The following IL34 variants were observed in gnomAD, a reference collection of about 807,000 sequenced individuals.
The protein encoded by IL34 is interleukin 34, also known as interleukin-34.
A neutral mutation model predicts 25.3 loss-of-function variants in IL34; 17 were observed. That is an observed-to-expected ratio of 0.67 (90% CI 0.46 to 1.01). The LOEUF is 1.01. Ranked by LOEUF, IL34 falls within the 50% of genes least tolerant of loss-of-function variation. IL34 has a pLI of 0.00. For synonymous variants in IL34, 174 were observed against 140.9 expected (o/e 1.23, Z -1.66); for missense variants, 368 against 312.9 (o/e 1.18, Z -1.33).
chr16:70,594,406 A>T (rs1404347014), intron 1 of IL34, among the ~76,000 whole-genome samples: 1 of 152,142 alleles, frequency 6.6e-6, no homozygotes, highest in Non-Finnish European at 1.5e-5. Context: ...TCAATTTCAA[A>T]TAGGTAATAT....
chr16:70,647,823 T>C (rs2051978460), intron 1 of IL34, among the ~76,000 whole-genome samples: 1 of 152,044 alleles, frequency 6.6e-6, no homozygotes. Context: ...GGTTGGGACA[T>C]TAAGGATGGG....
intron 1 of IL34, among the ~76,000 whole-genome samples, chr16:70,587,739 AAAAG>A (rs758347919): frequency 9.2e-5 from 14 of 152,048 alleles, no homozygotes; most frequent in Admixed American, 2.0e-4. Context: ...ATCAAAAAAA[AAAAG>A]AAAGAAAGAA....
chr16:70,648,153 G>A (rs918816857), intron 1 of IL34, among the ~76,000 whole-genome samples: 4 of 152,216 alleles, frequency 2.6e-5, no homozygotes, highest in Non-Finnish European at 5.9e-5. Flanking sequence ...AATCGTGATT[G>A]GGAGTTCCTC....
intron 1 of IL34, among the ~76,000 whole-genome samples, chr16:70,630,484 G>A (rs758640568): frequency 2.0e-5 from 3 of 151,654 alleles, no homozygotes; most frequent in Non-Finnish European, 2.9e-5. Flanking sequence ...TGCCAGCGTC[G>A]GCCTCCCAAA....
chr16:70,605,937 G>A (rs2050996144), intron 1 of IL34, among the ~76,000 whole-genome samples: 1 of 147,020 alleles, frequency 6.8e-6, no homozygotes. Flanking sequence ...ATCCCAAAGT[G>A]CTGGGATTAC....
At chr16:70,655,214 A>G (rs1405299261) in intron 2 of IL34, among the ~76,000 whole-genome samples, 3 of 151,278 alleles carry the variant, frequency 2.0e-5, no homozygotes, top group African/African-American at 7.3e-5. Flanking sequence ...CACCATGCCC[A>G]GCTAATTTTT....
At chr16:70,621,366 A>G (rs1352540516) in intron 1 of IL34, among the ~76,000 whole-genome samples, 7 of 152,134 alleles carry the variant, frequency 4.6e-5, no homozygotes, top group Admixed American at 4.6e-4. Context: ...AAATGAAAGG[A>G]ATTGAAATTA....
At chr16:70,642,631 A>G (rs9934599), upstream of IL34, among the ~76,000 whole-genome samples, 33,305 of 151,938 alleles carry the variant, frequency 0.22, 5,928 homozygotes, top group African/African-American at 0.5. Flanking sequence ...ATCCCACCAT[A>G]AGGACCCCAT....
chr16:70,609,160 C>T (rs180868948), intron 1 of IL34, among the ~76,000 whole-genome samples: 2 of 152,260 alleles, frequency 1.3e-5, no homozygotes, highest in East Asian at 1.9e-4. Flanking sequence ...TCACTGCAAC[C>T]TCCGCCTCCC....
chr16:70,647,972 C>T (rs979461538), intron 1 of IL34, among the ~76,000 whole-genome samples: 1 of 152,040 alleles, frequency 6.6e-6, no homozygotes, highest in Admixed American at 6.5e-5. Context: ...GTCATGAGGC[C>T]CATGTTCCAG....
chr16:70,658,059 G>A (rs541133379), intron 4 of IL34, among the ~76,000 whole-genome samples: 7 of 152,266 alleles, frequency 4.6e-5, no homozygotes, highest in Admixed American at 6.5e-5. Context: ...ACCTCTCCCC[G>A]TCTCCACCAG....
intron 1 of IL34, among the ~76,000 whole-genome samples, chr16:70,632,185 T>C (rs1391933476): frequency 4.6e-5 from 7 of 151,960 alleles, no homozygotes; most frequent in African/African-American, 1.7e-4. Flanking sequence ...GAAAGTTCCT[T>C]GGGACATGGT....
At chr16:70,613,303 A>T (rs545848136) in intron 1 of IL34, among the ~76,000 whole-genome samples, 122 of 152,286 alleles carry the variant, frequency 8.0e-4, no homozygotes, top group Non-Finnish European at 1.6e-3. Flanking sequence ...CATGTTCTGA[A>T]GGGCTGGCAT....
intron 1 of IL34, among the ~76,000 whole-genome samples, chr16:70,614,881 C>G (rs2051149839): frequency 6.6e-6 from 1 of 152,184 alleles, no homozygotes; most frequent in African/African-American, 2.4e-5. Flanking sequence ...GGCTCAGGAG[C>G]TGATGAACTG....
At chr16:70,642,566 G>C (rs941494422), upstream of IL34, among the ~76,000 whole-genome samples, 1 of 152,090 alleles carries the variant, frequency 6.6e-6, no homozygotes, top group East Asian at 1.9e-4. Flanking sequence ...AAAGTGCTGG[G>C]ATTACAGGCG....
At chr16:70,644,783 G>A (rs1476735569), upstream of IL34, among the ~76,000 whole-genome samples, 1 of 141,368 alleles carries the variant, frequency 7.1e-6, no homozygotes, top group Non-Finnish European at 1.5e-5. Context: ...GGAGGAGGGA[G>A]GAAAAGGAGG....
At chr16:70,595,606 C>T (rs887833236) in intron 1 of IL34, among the ~76,000 whole-genome samples, 25 of 152,272 alleles carry the variant, frequency 1.6e-4, no homozygotes, top group African/African-American at 5.8e-4. Context: ...ACATGAGCCA[C>T]TGCGCCAGGG....
intron 1 of IL34, among the ~76,000 whole-genome samples, chr16:70,588,265 C>A (rs974588673): frequency 1.3e-5 from 2 of 152,004 alleles, no homozygotes; most frequent in Non-Finnish European, 2.9e-5. Context: ...GTGGGTGGAT[C>A]ACCTGAAGGT....
chr16:70,598,090 C>T (rs760652508), intron 1 of IL34, among the ~76,000 whole-genome samples: 2 of 152,130 alleles, frequency 1.3e-5, no homozygotes, highest in Non-Finnish European at 2.9e-5. Context: ...AGGTGATCTG[C>T]CCTCTTCAGC....
Sources: allele counts gnomAD v4.1 joint callset (sites outside exome capture counted in the v4.1 genomes callset), GRCh38; gene constraint gnomAD v4.1.1; transcripts MANE v1.5; gene names NCBI Gene and HGNC (gene_info 2026-07-23, HGNC 2026-07-21).